The following CSMD3 variants were observed in gnomAD, a reference collection of about 807,000 sequenced individuals.
CSMD3 encodes CUB and Sushi multiple domains 3.
In CSMD3, 177 loss-of-function variants were observed where a neutral mutation model predicts 435.2. That is an observed-to-expected ratio of 0.41 (90% CI 0.36 to 0.46). CSMD3 has a LOEUF of 0.46. Among genes scored for constraint, CSMD3 ranks in the 20% least tolerant of loss-of-function variants. CSMD3 has a pLI of 0.34. For missense variants in CSMD3, 4,265 were observed against 4,504.6 expected (o/e 0.95, Z 1.52); for synonymous variants, 1,656 against 1,520.5 (o/e 1.09, Z -2.07).
chr8:112,820,572 C>T (rs2079500969), intron 12 of CSMD3, among the ~76,000 whole-genome samples: 1 of 151,436 alleles, frequency 6.6e-6, no homozygotes, highest in African/African-American at 2.4e-5. Context: ...CTCACACTCT[C>T]ACTAAAGGGC....
At chr8:113,265,438 A>G (rs2093461778) in intron 3 of CSMD3, among the ~76,000 whole-genome samples, 2 of 151,514 alleles carry the variant, frequency 1.3e-5, no homozygotes, top group Non-Finnish European at 1.5e-5. Flanking sequence ...ATGAAGCTGG[A>G]GGGATAGGTA....
chr8:113,118,344 T>G (rs969588304), intron 4 of CSMD3, among the ~76,000 whole-genome samples: 1 of 152,236 alleles, frequency 6.6e-6, no homozygotes, highest in East Asian at 1.9e-4. Context: ...CTTCTCAATA[T>G]GTCCATAAAA....
At chr8:112,348,478 C>T (rs1283308927) in intron 40 of CSMD3, among the ~76,000 whole-genome samples, 2 of 152,146 alleles carry the variant, frequency 1.3e-5, no homozygotes, top group Admixed American at 1.3e-4. Flanking sequence ...CTGAATCAGC[C>T]TCTTGCTTCT....
chr8:113,114,990 T>A (rs563862509), intron 4 of CSMD3, among the ~76,000 whole-genome samples: 1 of 152,328 alleles, frequency 6.6e-6, no homozygotes, highest in East Asian at 1.9e-4. Context: ...ATGCCTACTT[T>A]CGTTACTTAA....
At chr8:112,403,898 A>G (rs577264159) in intron 35 of CSMD3, among the ~76,000 whole-genome samples, 1 of 152,302 alleles carries the variant, frequency 6.6e-6, no homozygotes, top group Non-Finnish European at 1.5e-5. Flanking sequence ...TTGGAGAGTC[A>G]TTTACAGTCT....
intron 4 of CSMD3, among the ~76,000 whole-genome samples, chr8:113,106,519 G>T (rs2090482068): frequency 6.6e-6 from 1 of 152,148 alleles, no homozygotes; most frequent in African/African-American, 2.4e-5. Flanking sequence ...TTCCAAAAAG[G>T]TTGTGGAGCA....
At chr8:112,325,165 A>T (rs1279859827) in intron 45 of CSMD3, among the ~76,000 whole-genome samples, 2 of 152,158 alleles carry the variant, frequency 1.3e-5, no homozygotes, top group Non-Finnish European at 2.9e-5. Context: ...CTTCATTTTT[A>T]ATACTAAATT....
Position 113,145,045 on chromosome 8 carries a change from A to AG in CSMD3, c.709+28676dup, listed in dbSNP as rs143253660. ...GAGTGATTTGTCAAATGTCTGGGGA[A>AG]GGATTTTCCAAGCAGAGGGAATAGA... On this transcript the variant is annotated intron_variant, in intron 4 of 70. Transcript: ENST00000297405. 4.8e-4 allele frequency among the ~76,000 whole-genome samples: 72 copies of AG among 151,542 alleles called. No homozygotes were observed. The East Asian group carries it at 0.014, about 29-fold the overall frequency.
In CSMD3 at chr8:113,270,700, T is replaced by C. The variant is rs187841352; in HGVS notation, c.514+7892A>G. ...GGGACATGGATGAAGCTGGAAACCA[T>C]CACTCTCAGCAAACTATCGCAAGGA... is the stretch of plus-strand genomic sequence containing the variant. On this transcript the variant is annotated intron_variant, in intron 3 of 70. Coordinates refer to ENST00000297405, the MANE Select transcript of CSMD3 (RefSeq NM_198123.2). Among the ~76,000 whole-genome samples the C allele has an allele frequency of 7.2e-5, 11 of 152,044 alleles. No homozygotes were observed. In the East Asian group the frequency reaches 1.9e-3, roughly 27 times the overall value.
intron 1 of CSMD3, among the ~76,000 whole-genome samples, chr8:113,415,966 G>T (rs1319212280): frequency 1.3e-5 from 2 of 152,004 alleles, no homozygotes; most frequent in African/African-American, 4.8e-5. Flanking sequence ...ATGTTTGCCA[G>T]TATATACATG....
intron 1 of CSMD3, among the ~76,000 whole-genome samples, chr8:113,427,008 CA>C (rs1297947732): frequency 6.6e-6 from 1 of 151,022 alleles, no homozygotes; most frequent in East Asian, 1.9e-4. Flanking sequence ...ATGACTAATA[CA>C]AATGAGGACA....
At chr8:112,666,830 G>A (rs1477459908) in intron 16 of CSMD3, among the ~76,000 whole-genome samples, 1 of 151,992 alleles carries the variant, frequency 6.6e-6, no homozygotes, top group East Asian at 1.9e-4. Context: ...AACAGTTTGT[G>A]CTTCCATTTT....
intron 13 of CSMD3, among the ~76,000 whole-genome samples, chr8:112,791,761 G>C (rs978457892): frequency 2.0e-5 from 3 of 152,020 alleles, no homozygotes; most frequent in Non-Finnish European, 4.4e-5. Flanking sequence ...GAGTAAAAAG[G>C]CTGGGTTGTG....
At chr8:112,827,479 T>C (rs1243123666) in intron 12 of CSMD3, among the ~76,000 whole-genome samples, 1 of 151,968 alleles carries the variant, frequency 6.6e-6, no homozygotes, top group Non-Finnish European at 1.5e-5. Context: ...AAAATCCAGT[T>C]TTCTGTCTTA....
chr8:112,478,463 T>TTGGA (rs1218770878), intron 31 of CSMD3, among the ~76,000 whole-genome samples: 1 of 152,168 alleles, frequency 6.6e-6, no homozygotes, highest in Non-Finnish European at 1.5e-5. Context: ...TCATTGGGAA[T>TTGGA]TGGAGCAAAG....
intron 63 of CSMD3, among the ~76,000 whole-genome samples, chr8:112,250,476 C>A (rs1586537698): frequency 1.3e-5 from 2 of 151,412 alleles, no homozygotes; most frequent in Non-Finnish European, 1.5e-5. Context: ...AATATCAGTG[C>A]ATTAATAAAT....
chr8:112,463,464 T>C (rs1817655256), intron 32 of CSMD3, among the ~76,000 whole-genome samples: 1 of 152,196 alleles, frequency 6.6e-6, no homozygotes, highest in Admixed American at 6.5e-5. Context: ...CTAGAGGTCT[T>C]TCTTCTCTTG....
chr8:112,707,600 C>G (rs1203810957), intron 13 of CSMD3, among the ~76,000 whole-genome samples: 1 of 151,818 alleles, frequency 6.6e-6, no homozygotes, highest in East Asian at 1.9e-4. Flanking sequence ...CAATATAATA[C>G]TAGGTCTTTG....
In CSMD3 at chr8:112,867,820, A is replaced by C. The variant is rs142790930; in HGVS notation, c.1634-8554T>G. Among the ~76,000 whole-genome samples, 125 of 152,270 alleles carry C rather than the reference A, an allele frequency of 8.2e-4. 1 individual carries two copies. The East Asian group carries it at 0.022, about 27-fold the overall frequency. ...GAGTGAGGAGTGAATGTGAAGGCCCAAGGTGTTACCATACACTAATGCAGA... is the reference window on the plus strand; with the variant it reads ...GAGTGAGGAGTGAATGTGAAGGCCCCAGGTGTTACCATACACTAATGCAGA... On this transcript the variant is annotated intron_variant, in intron 10 of 70. Transcript: ENST00000297405.
Sources: gnomAD v4.1 joint callset for allele counts (sites outside exome capture counted in the v4.1 genomes callset) on GRCh38, gnomAD v4.1.1 for gene constraint, MANE v1.5 for transcripts, NCBI Gene and HGNC (gene_info 2026-07-23, HGNC 2026-07-21) for gene names.